CLSTN2: variants seen among roughly 807,000 people sequenced by gnomAD.
The protein encoded by CLSTN2 is calsyntenin 2.
In CLSTN2, 48 loss-of-function variants were observed where a neutral mutation model predicts 101.2. The observed-to-expected ratio is 0.47, with a 90% CI of 0.38 to 0.60. The LOEUF (loss-of-function observed/expected upper bound fraction) is 0.60. CLSTN2 is among the 20% of genes least tolerant of loss of function. The probability of loss-of-function intolerance (pLI) is 0.00; values close to 1 mark genes in which losing one functional copy is unlikely to be tolerated. For missense variants in CLSTN2, 1,160 were observed against 1,238.2 expected (o/e 0.94, Z 0.95); for synonymous variants, 481 against 463.6 (o/e 1.04, Z -0.48).
intron 1 of CLSTN2, among the ~76,000 whole-genome samples, chr3:139,949,743 C>T (rs58710119): frequency 0.036 from 5,539 of 152,282 alleles, 315 homozygotes; most frequent in African/African-American, 0.12. Context: ...TCTTCTGTCA[C>T]GCACTGATGA....
intron 1 of CLSTN2, among the ~76,000 whole-genome samples, chr3:140,051,171 G>A (rs145600898): frequency 8.5e-5 from 13 of 152,300 alleles, no homozygotes; most frequent in Middle Eastern, 3.4e-3. Flanking sequence ...CTCAGGCTTC[G>A]CTGATCGTGT....
chr3:140,448,065 G>T (rs1933135317), intron 5 of CLSTN2, among the ~76,000 whole-genome samples: 1 of 152,216 alleles, frequency 6.6e-6, no homozygotes, highest in African/African-American at 2.4e-5. Flanking sequence ...GTTTGGGGAT[G>T]ATGGGGGTTG....
chr3:139,951,040 G>T (rs1326582823), intron 1 of CLSTN2, among the ~76,000 whole-genome samples: 1 of 152,196 alleles, frequency 6.6e-6, no homozygotes, highest in Non-Finnish European at 1.5e-5. Context: ...TAGGATGGTT[G>T]TATTCCTGGA....
At chr3:139,956,471 A>G (rs1935404238) in intron 1 of CLSTN2, among the ~76,000 whole-genome samples, 1 of 152,160 alleles carries the variant, frequency 6.6e-6, no homozygotes, top group Non-Finnish European at 1.5e-5. Flanking sequence ...GATGGAGAAC[A>G]GAGAAGGCGT....
intron 6 of CLSTN2, among the ~76,000 whole-genome samples, chr3:140,456,065 A>G (rs1303295720): frequency 6.6e-6 from 1 of 152,176 alleles, no homozygotes; most frequent in Non-Finnish European, 1.5e-5. Context: ...TTGGCAGGTC[A>G]TATGATTGGC....
chr3:140,474,891 C>T (rs1933944365), intron 8 of CLSTN2, among the ~76,000 whole-genome samples: 1 of 152,154 alleles, frequency 6.6e-6, no homozygotes, highest in Non-Finnish European at 1.5e-5. Context: ...GCAGTCAGTC[C>T]TGGAAGTTAG....
chr3:140,130,022 A>G lies in CLSTN2; in HGVS notation c.110-45929A>G, dbSNP rs140929010. 9.2e-3 allele frequency among the ~76,000 whole-genome samples: 1,398 copies of G among 152,334 alleles called. 16 individuals carry two copies. The highest frequency in any genetic ancestry group is 0.011 in the Non-Finnish European group (760 of 68,020). ...TGTCTGCAGCATACTGAACAGCTTT[A>G]GCAAAGTGCTAGTGGGATGGATACC... On this transcript the variant is annotated intron_variant, in intron 1 of 16. Transcript: ENST00000458420.
intron 1 of CLSTN2, among the ~76,000 whole-genome samples, chr3:140,104,967 A>G (rs191787250): frequency 2.7e-5 from 4 of 149,160 alleles, no homozygotes; most frequent in African/African-American, 1.0e-4. Flanking sequence ...GGCAGAACCA[A>G]GACTTTGTCT....
intron 2 of CLSTN2, among the ~76,000 whole-genome samples, chr3:140,329,790 T>C (rs1180140033): frequency 6.6e-6 from 1 of 152,226 alleles, no homozygotes; most frequent in African/African-American, 2.4e-5. Flanking sequence ...CACTAAAATA[T>C]AAATGTCCCT....
At chr3:140,515,446 G>T (rs976517367) in intron 8 of CLSTN2, among the ~76,000 whole-genome samples, 13 of 152,020 alleles carry the variant, frequency 8.6e-5, no homozygotes, top group Admixed American at 7.9e-4. Flanking sequence ...CTAGTTCCTT[G>T]AGGTGTGGCC....
At chr3:140,440,653 A>G (rs2088753337) in intron 5 of CLSTN2, among the ~76,000 whole-genome samples, 1 of 152,214 alleles carries the variant, frequency 6.6e-6, no homozygotes, top group African/African-American at 2.4e-5. Flanking sequence ...ACATAGAGGA[A>G]AAAAATGGCT....
chr3:140,144,321 AAATG>A (rs1329327363), intron 1 of CLSTN2, among the ~76,000 whole-genome samples: 1 of 152,156 alleles, frequency 6.6e-6, no homozygotes, highest in Non-Finnish European at 1.5e-5. Flanking sequence ...AAAGTACTTA[AAATG>A]GGCCGGGTGT....
At chr3:140,329,061 G>A (rs1203238520) in intron 2 of CLSTN2, among the ~76,000 whole-genome samples, 1 of 152,186 alleles carries the variant, frequency 6.6e-6, no homozygotes, top group Non-Finnish European at 1.5e-5. Flanking sequence ...CCCCCATTCA[G>A]TTCATCATTT....
intron 3 of CLSTN2, among the ~76,000 whole-genome samples, chr3:140,404,272 G>T (rs553338430): frequency 6.6e-6 from 1 of 152,336 alleles, no homozygotes; most frequent in South Asian, 2.1e-4. Context: ...TGGAGGAGTG[G>T]ATGAATAGAG....
chr3:140,053,294 A>G (rs561683047), intron 1 of CLSTN2, among the ~76,000 whole-genome samples: 2 of 152,324 alleles, frequency 1.3e-5, no homozygotes, highest in East Asian at 3.9e-4. Context: ...CCACCAGCAC[A>G]CAGGATGATG....
intron 2 of CLSTN2, among the ~76,000 whole-genome samples, chr3:140,245,039 C>T (rs913909793): frequency 6.6e-6 from 1 of 152,176 alleles, no homozygotes; most frequent in Non-Finnish European, 1.5e-5. Flanking sequence ...TACCACAGAG[C>T]CTCTTCTTCA....
intron 6 of CLSTN2, among the ~76,000 whole-genome samples, chr3:140,453,663 A>G (rs964258335): frequency 3.9e-5 from 6 of 152,218 alleles, no homozygotes; most frequent in African/African-American, 9.6e-5. Context: ...TAGATTTGCT[A>G]ATTATCCTGA....
At chr3:140,518,456 G>A (rs1312157868) in intron 8 of CLSTN2, among the ~76,000 whole-genome samples, 1 of 152,124 alleles carries the variant, frequency 6.6e-6, no homozygotes, top group African/African-American at 2.4e-5. Flanking sequence ...GCTTCCCTGG[G>A]ATCTTAGAGA....
intron 2 of CLSTN2, among the ~76,000 whole-genome samples, chr3:140,342,298 G>T (rs188521379): frequency 6.6e-6 from 1 of 152,244 alleles, no homozygotes; most frequent in Non-Finnish European, 1.5e-5. Context: ...ACTCCCTTAA[G>T]TTGTGACACT....
Sources: gnomAD v4.1 joint callset for allele counts (sites outside exome capture counted in the v4.1 genomes callset) on GRCh38, gnomAD v4.1.1 for gene constraint, MANE v1.5 for transcripts, NCBI Gene and HGNC (gene_info 2026-07-23, HGNC 2026-07-21) for gene names.